The following CACNA1A variants were observed in gnomAD, a reference collection of about 807,000 sequenced individuals.
The protein encoded by CACNA1A is voltage-dependent P/Q-type calcium channel subunit alpha-1A.
Under a neutral mutation model 262.4 loss-of-function variants are expected in CACNA1A, and 57 were observed. The ratio of observed to expected loss-of-function variants is 0.22; its 90% CI spans 0.18 to 0.27. The LOEUF is 0.27. CACNA1A is among the 10% of genes least tolerant of loss of function. The probability of loss-of-function intolerance (pLI) is 1.00; values close to 1 mark genes in which losing one functional copy is unlikely to be tolerated. For missense variants in CACNA1A, 2,526 were observed against 3,562.8 expected (o/e 0.71, Z 7.41); for synonymous variants, 1,431 against 1,419.3 (o/e 1.01, Z -0.18).
intron 24 of CACNA1A, chr19:13,273,243 G>A (rs2057067885): frequency 6.6e-6 from 1 of 152,196 alleles, no homozygotes; most frequent in African/African-American, 2.4e-5. Context: ...TAGGGTTACA[G>A]GCGTGAGCCA....
intron 24 of CACNA1A, among the ~76,000 whole-genome samples, chr19:13,270,344 A>G (rs2056985680): frequency 6.9e-6 from 1 of 145,842 alleles, no homozygotes; most frequent in African/African-American, 2.6e-5. Context: ...ATGAGGGGAT[A>G]TGCACAGAGG....
intron 6 of CACNA1A, among the ~76,000 whole-genome samples, chr19:13,347,915 AT>A (rs1278021870): frequency 3.3e-5 from 5 of 151,840 alleles, no homozygotes; most frequent in African/African-American, 9.7e-5. Flanking sequence ...TTATTTATTT[AT>A]TTTTAATTAT....
At chr19:13,354,941 C>T (rs189545181) in intron 6 of CACNA1A, among the ~76,000 whole-genome samples, 115 of 137,836 alleles carry the variant, frequency 8.3e-4, no homozygotes, top group African/African-American at 3.0e-3. Flanking sequence ...GTGGCATGAT[C>T]TTGGCTCACT....
rs192578089 is a variant in CACNA1A, at chr19:13,442,753, A to G, written c.539+10123T>C. ...AGGTCTTAACCATGGCGCTAGGCCA[A>G]TCTCTCATTTCTTGAAATCTCTTCT... is the stretch of plus-strand genomic sequence containing the variant. On this transcript the variant is annotated intron_variant, in intron 3 of 46. Coordinates refer to ENST00000360228, the MANE Select transcript of CACNA1A (RefSeq NM_001127222.2). Among the ~76,000 whole-genome samples the G allele has an allele frequency of 1.4e-3, 207 of 152,292 alleles. 1 individual carries two copies. Among genetic ancestry groups the G allele is most frequent in the Non-Finnish European group, 2.6e-3 (175 of 68,020 alleles).
chr19:13,397,439 A>C (rs1220535502), intron 3 of CACNA1A, among the ~76,000 whole-genome samples: 3 of 152,170 alleles, frequency 2.0e-5, no homozygotes, highest in Non-Finnish European at 2.9e-5. Flanking sequence ...GAAGATAGGA[A>C]TGTCCCTTAA....
intron 1 of CACNA1A, among the ~76,000 whole-genome samples, chr19:13,473,571 G>A (rs770183487): frequency 6.6e-6 from 1 of 152,180 alleles, no homozygotes; most frequent in African/African-American, 2.4e-5. Flanking sequence ...ACAGGACCCT[G>A]CTGGTTTTCT....
At chr19:13,497,620 A>G (rs1981850860) in intron 1 of CACNA1A, among the ~76,000 whole-genome samples, 1 of 120,488 alleles carries the variant, frequency 8.3e-6, no homozygotes, top group Non-Finnish European at 1.7e-5. Context: ...GTGCATGCCT[A>G]TAGTCCCAGC....
intron 9 of CACNA1A, among the ~76,000 whole-genome samples, chr19:13,332,384 AGC>A: frequency 6.6e-6 from 1 of 152,092 alleles, no homozygotes; most frequent in African/African-American, 2.4e-5. Context: ...TGGGTGACAG[AGC>A]GAGACTCTGT....
intron 1 of CACNA1A, among the ~76,000 whole-genome samples, chr19:13,459,645 G>A (rs115979512): frequency 0.019 from 2,913 of 152,248 alleles, 87 homozygotes; most frequent in African/African-American, 0.065. Flanking sequence ...GAGCAGCAAC[G>A]CCAAGCCCTT....
chr19:13,307,913 G>C, intron 14 of CACNA1A, 59 bp from the exon 15 acceptor site: 1 of 1,489,464 alleles, frequency 6.7e-7, no homozygotes, highest in Non-Finnish European at 9.4e-7. Context: ...TGAGGGTGTG[G>C]CTCAGTATCT....
At chr19:13,359,978 A>T (rs1599277875) in intron 5 of CACNA1A, among the ~76,000 whole-genome samples, 179 bp from the exon 6 acceptor site, 1 of 149,706 alleles carries the variant, frequency 6.7e-6, no homozygotes, top group South Asian at 2.1e-4. Context: ...CTATTGATTA[A>T]TTTCTTCTCT....
chr19:13,506,360 TC>T lies in CACNA1A; in HGVS notation c.-137del. 1.3e-6 allele frequency: 1 copy of T among 758,500 alleles called. No homozygotes were observed. The highest frequency in any genetic ancestry group is 3.1e-5 in the South Asian group (1 of 32,602). The allele number at this position is 758,500 out of a possible 1,614,324, so 47.0% of individuals were successfully genotyped here. ...GCTGGAGCTACGACTGCGGAGACGC[TC>T]CACGGCCCAGCCCATCGGGCGGCGG... On this transcript the variant is annotated 5_prime_UTR_variant, in exon 1 of 47. It introduces an in-frame stop codon into an upstream open reading frame of the 5' UTR. Coordinates refer to ENST00000360228, the MANE Select transcript of CACNA1A (RefSeq NM_001127222.2).
At chr19:13,218,200 C>T (rs1600101809) in intron 38 of CACNA1A, among the ~76,000 whole-genome samples, 1 of 151,788 alleles carries the variant, frequency 6.6e-6, no homozygotes, top group Non-Finnish European at 1.5e-5. Context: ...AAGTGATTCT[C>T]CTGCCTCAGC....
chr19:13,299,053 T>G lies in CACNA1A; in HGVS notation c.2580A>C (p.Lys860Asn). ...GGGCCCGATCGTGGTAGCGGGCCTG[T>G]TTCCTGAGGAAGTCCTCGGCGCGCT... Reference protein sequence around the residue: ...GQQRAEDFLRKQARYHDRARD... With the variant: ...GQQRAEDFLRNQARYHDRARD... Residue 860 changes from lysine to asparagine, a missense_variant, in exon 19 of 47, where the codon AAA becomes AAC. Around this residue, in one of 17 missense-constraint regions of CACNA1A, gnomAD observed 765 missense variants for 748.6 expected, o/e 1.02. Coordinates refer to ENST00000360228, the MANE Select transcript of CACNA1A (RefSeq NM_001127222.2). The G allele has an allele frequency of 6.2e-7, 1 of 1,604,250 alleles. No homozygotes were observed. Among genetic ancestry groups the G allele is most frequent in the Non-Finnish European group, 8.5e-7 (1 of 1,178,574 alleles).
At chr19:13,242,129 C>T (rs2056097618) in intron 31 of CACNA1A, among the ~76,000 whole-genome samples, 1 of 152,128 alleles carries the variant, frequency 6.6e-6, no homozygotes. Flanking sequence ...AACACCCACC[C>T]CCTATCTTTC....
intron 38 of CACNA1A, among the ~76,000 whole-genome samples, chr19:13,219,734 C>T (rs773138615): frequency 2.0e-5 from 3 of 152,116 alleles, no homozygotes; most frequent in South Asian, 2.1e-4. Flanking sequence ...GTGGGCAGAT[C>T]ACGAGGTTGG....
chr19:13,279,537 G>T (rs1445820892), intron 22 of CACNA1A, among the ~76,000 whole-genome samples: 1 of 152,106 alleles, frequency 6.6e-6, no homozygotes, highest in African/African-American at 2.4e-5. Context: ...CCAGGCTGGA[G>T]TGCAGTGGCA....
At chr19:13,421,404 T>C (rs10411533) in intron 3 of CACNA1A, among the ~76,000 whole-genome samples, 150 of 152,226 alleles carry the variant, frequency 9.9e-4, no homozygotes, top group African/African-American at 3.4e-3. Context: ...CCTGCTCTCA[T>C]GGAGCTTACA....
intron 10 of CACNA1A, among the ~76,000 whole-genome samples, chr19:13,320,623 G>A (rs1422534207): frequency 6.6e-6 from 1 of 152,130 alleles, no homozygotes; most frequent in African/African-American, 2.4e-5. Context: ...AAGGGAGAGG[G>A]AAATGAATAT....
Sources: allele counts gnomAD v4.1 joint callset (sites outside exome capture counted in the v4.1 genomes callset), GRCh38; gene constraint gnomAD v4.1.1; regional missense constraint gnomAD v4.1.1; transcripts MANE v1.5; gene names NCBI Gene and HGNC (gene_info 2026-07-23, HGNC 2026-07-21).